Variants in FBN2 observed in about 807,000 individuals in gnomAD.
FBN2 encodes fibrillin 2, also known as fibrillin-2.
A neutral mutation model predicts 355.6 loss-of-function variants in FBN2; 105 were observed. The observed-to-expected ratio is 0.30, with a 90% CI of 0.25 to 0.35. The LOEUF is 0.35. Among genes scored for constraint, FBN2 ranks in the 10% least tolerant of loss-of-function variants. The pLI, the probability that FBN2 is intolerant of heterozygous loss-of-function variation, is 1.00. For missense variants in FBN2, 3,280 were observed against 3,758.7 expected, an observed-to-expected ratio of 0.87 and a Z score of 3.33; for synonymous variants, 1,350 against 1,301.2, an observed-to-expected ratio of 1.04 and a Z score of -0.81.
At chr5:128,471,263 T>C (rs1276040284) in intron 5 of FBN2, among the ~76,000 whole-genome samples, 1 of 152,052 alleles carries the variant, frequency 6.6e-6, no homozygotes, top group Non-Finnish European at 1.5e-5. Context: ...TTCCATGTAT[T>C]TCAATGATGA....
At chr5:128,292,215 T>A (rs914606215) in intron 48 of FBN2, among the ~76,000 whole-genome samples, 3 of 152,082 alleles carry the variant, frequency 2.0e-5, no homozygotes, top group African/African-American at 7.2e-5. Context: ...AAAACGTCCA[T>A]CTGATTACAT....
At chr5:128,283,485 G>A (rs1288883450) in intron 55 of FBN2, among the ~76,000 whole-genome samples, 2 of 152,106 alleles carry the variant, frequency 1.3e-5, no homozygotes, top group Non-Finnish European at 2.9e-5. Context: ...GACATCACAC[G>A]GACATGGAGA....
At chr5:128,462,236 T>C (rs1261855178) in intron 6 of FBN2, among the ~76,000 whole-genome samples, 1 of 152,164 alleles carries the variant, frequency 6.6e-6, no homozygotes, top group Non-Finnish European at 1.5e-5. Context: ...GTAACACTTC[T>C]CAATCATCGT....
intron 11 of FBN2, among the ~76,000 whole-genome samples, chr5:128,389,783 C>G (rs913162182): frequency 2.0e-5 from 3 of 152,180 alleles, no homozygotes; most frequent in Non-Finnish European, 4.4e-5. Flanking sequence ...CTATTTAATT[C>G]ACTTCTCAGG....
intron 25 of FBN2, among the ~76,000 whole-genome samples, chr5:128,340,880 G>C (rs1215560309): frequency 6.6e-6 from 1 of 152,122 alleles, no homozygotes; most frequent in Non-Finnish European, 1.5e-5. Flanking sequence ...GTAATTTGGA[G>C]GGTGTGGCTT....
At chr5:128,264,018 C>T (rs987770914) in intron 62 of FBN2, among the ~76,000 whole-genome samples, 4 of 151,960 alleles carry the variant, frequency 2.6e-5, no homozygotes, top group Non-Finnish European at 4.4e-5. Context: ...AATTAGTTGC[C>T]GGGGCCTGTC....
rs2307110 is a variant in FBN2 at position 128,301,670 on chromosome 5, A to G, written c.5918-160T>C. On this transcript the variant is annotated intron_variant, in intron 46 of 64. Transcript: ENST00000262464. ...AAAAATGGCACATATCATAAGGATC[A>G]TATAATTAATAGGATCCCATAGAGT... 0.095 allele frequency among the ~76,000 whole-genome samples: 14,405 copies of G among 152,278 alleles called. 774 individuals carry two copies. The highest frequency in any genetic ancestry group is 0.11 in the South Asian group (520 of 4,828).
At chr5:128,404,263 T>C (rs1752871016) in intron 8 of FBN2, among the ~76,000 whole-genome samples, 1 of 152,254 alleles carries the variant, frequency 6.6e-6, no homozygotes, top group Non-Finnish European at 1.5e-5. Context: ...TTTTTTCTCA[T>C]GTATGGAAAA....
At chr5:128,418,404 T>A (rs1387742637) in intron 7 of FBN2, among the ~76,000 whole-genome samples, 1 of 152,156 alleles carries the variant, frequency 6.6e-6, no homozygotes, top group Non-Finnish European at 1.5e-5. Flanking sequence ...GGTTTGTTCT[T>A]GCTTTTCTAG....
chr5:128,300,829 C>T lies in FBN2; in HGVS notation c.6154G>A (p.Glu2052Lys), dbSNP rs764539159. The change falls in exon 48 of 65, where the codon GAG becomes AAG. Residue 2052 changes from glutamate to lysine, a missense_variant. Glu to Lys is a moderately conservative substitution (Grantham distance 56). Coordinates refer to ENST00000262464, the MANE Select transcript of FBN2 (RefSeq NM_001999.4). ...ATGTTACTCTTACCAATGCAGTTCT[C>T]GCTTTTTACTTCATACCCTGGGGGA... ...ICPPGYEVKSENCIDINECDE... is the reference protein window; with the variant it reads ...ICPPGYEVKSKNCIDINECDE... 10 of 1,613,950 alleles carry T rather than the reference C, an allele frequency of 6.2e-6. No homozygotes were observed. Among genetic ancestry groups the T allele is most frequent in the East Asian group, 4.5e-5 (2 of 44,868 alleles).
At chr5:128,320,839 A>C (rs1159299596) in intron 34 of FBN2, among the ~76,000 whole-genome samples, 3 of 152,192 alleles carry the variant, frequency 2.0e-5, no homozygotes, top group Non-Finnish European at 4.4e-5. Context: ...AAACGCTAAA[A>C]ATTTTTTGGC....
chr5:128,300,406 G>GA (rs1419393064), intron 48 of FBN2, among the ~76,000 whole-genome samples: 2 of 152,176 alleles, frequency 1.3e-5, no homozygotes, highest in Non-Finnish European at 2.9e-5. Context: ...GCCTTCCCAA[G>GA]AAAAAGAATG....
chr5:128,333,257 A>G (rs1750740956), intron 31 of FBN2, among the ~76,000 whole-genome samples: 2 of 152,174 alleles, frequency 1.3e-5, no homozygotes, highest in South Asian at 4.1e-4. Context: ...ACTGTCAGCC[A>G]CTTTCCAGTA....
At chr5:128,468,854 C>T (rs969722795) in intron 5 of FBN2, among the ~76,000 whole-genome samples, 11 of 152,184 alleles carry the variant, frequency 7.2e-5, no homozygotes, top group East Asian at 1.9e-4. Context: ...CCAAACCATA[C>T]GGAAAAAATA....
At position 128,337,925 on chromosome 5, in the gene FBN2, G is replaced by A. The variant is rs990956207; in HGVS notation, c.3598+72C>T. 10 of 1,549,348 alleles carry A rather than the reference G, an allele frequency of 6.5e-6. No homozygotes were observed. In the South Asian group the frequency reaches 1.1e-4, roughly 17 times the overall value. ...ATTTCATGTGCTCCTCAAACAACAG[G>A]TTTGTCAGAACTGATCCCTGGTCTT... On this transcript the variant is annotated intron_variant, in intron 27 of 64. Coordinates refer to ENST00000262464, the MANE Select transcript of FBN2 (RefSeq NM_001999.4).
chr5:128,376,419 T>A (rs569323834), intron 14 of FBN2, among the ~76,000 whole-genome samples: 66 of 152,332 alleles, frequency 4.3e-4, no homozygotes, highest in African/African-American at 1.5e-3. Flanking sequence ...GATTTTTTCT[T>A]CTTCTTTTTT....
chr5:128,499,290 A>T (rs979601090), intron 5 of FBN2, among the ~76,000 whole-genome samples: 1 of 152,188 alleles, frequency 6.6e-6, no homozygotes, highest in Non-Finnish European at 1.5e-5. Context: ...GAATTATTGG[A>T]TAAAATATTA....
chr5:128,388,845 A>G (rs2126973029), intron 11 of FBN2, among the ~76,000 whole-genome samples: 1 of 152,264 alleles, frequency 6.6e-6, no homozygotes, highest in East Asian at 1.9e-4. Context: ...AGTATTTCAC[A>G]GGGGTACTCC....
chr5:128,276,605 C>T (rs1268258783), intron 58 of FBN2, among the ~76,000 whole-genome samples: 1 of 152,136 alleles, frequency 6.6e-6, no homozygotes. Flanking sequence ...TCACCCTGGT[C>T]CACTCTGCTC....
Sources: gnomAD v4.1 joint callset for allele counts (sites outside exome capture counted in the v4.1 genomes callset) on GRCh38, gnomAD v4.1.1 for gene constraint, MANE v1.5 for transcripts, NCBI Gene and HGNC (gene_info 2026-07-23, HGNC 2026-07-21) for gene names.